Variants in KCNQ1 observed in about 807,000 individuals in gnomAD.
KCNQ1 encodes potassium voltage-gated channel subfamily KQT member 1.
In KCNQ1, 49 loss-of-function variants were observed where a neutral mutation model predicts 72.4. The observed-to-expected ratio is 0.68, with a 90% CI of 0.54 to 0.86. The LOEUF is 0.86. KCNQ1 is among the 40% of genes least tolerant of loss of function. The pLI, the probability that KCNQ1 is intolerant of heterozygous loss-of-function variation, is 0.00. For missense variants in KCNQ1, 790 were observed against 945.1 expected, an observed-to-expected ratio of 0.84 and a Z score of 2.15; for synonymous variants, 450 against 412.6, an observed-to-expected ratio of 1.09 and a Z score of -1.10.
chr11:2,576,918 C>A (rs78274920), intron 6 of KCNQ1, among the ~76,000 whole-genome samples: 1 of 152,202 alleles, frequency 6.6e-6, no homozygotes, highest in African/African-American at 2.4e-5. Context: ...CAAAGGGGAA[C>A]GAGTTCAGCT....
intron 15 of KCNQ1, among the ~76,000 whole-genome samples, chr11:2,819,797 C>T (rs1356165355): frequency 6.6e-6 from 1 of 152,186 alleles, no homozygotes; most frequent in Admixed American, 6.5e-5. Flanking sequence ...ATTTGTGTCT[C>T]CCCAATGGGT....
intron 11 of KCNQ1, 147 bp downstream of exon 11, chr11:2,662,228 A>C: frequency 1.9e-6 from 2 of 1,040,170 alleles, no homozygotes; most frequent in Non-Finnish European, 2.8e-6. Context: ...TGGCCCCAAC[A>C]CGGAGGCACC....
chr11:2,661,768 G>GT lies in KCNQ1; in HGVS notation c.1394-192dup. 1 of 655,190 alleles carries GT rather than the reference G, an allele frequency of 1.5e-6. No individual in the cohort carries two copies. The highest frequency in any genetic ancestry group is 2.7e-6 in the Non-Finnish European group (1 of 365,658). The allele number at this position is 655,190 out of a possible 1,614,324, so 40.6% of individuals were successfully genotyped here. On this transcript the variant is annotated intron_variant, in intron 10 of 15. Transcript: ENST00000155840. The surrounding 1 kb of genome is among the most constrained non-coding windows in gnomAD (Gnocchi z 5.9). The stretch of plus-strand genomic sequence containing the variant: ...GCCTTTATTCTCCTCAGACACTGAG[G>GT]TGTCAGGCACTTTGGGGCCATCTTA...
In KCNQ1 at chr11:2,808,863, T is replaced by C. The variant is rs990111484; in HGVS notation, c.1794+30826T>C. On this transcript the variant is annotated intron_variant, in intron 15 of 15. Transcript: ENST00000155840. The surrounding 1 kb of genome is among the most constrained non-coding windows in gnomAD (Gnocchi z 6.0). ...GTTGTATGGAGGATTAGGGGAGGGATAAATGGATGGATGGATGAACACATG... is the reference window on the plus strand; with the variant it reads ...GTTGTATGGAGGATTAGGGGAGGGACAAATGGATGGATGGATGAACACATG... Among the ~76,000 whole-genome samples the C allele has an allele frequency of 6.6e-6, 1 of 151,946 alleles. No individual in the cohort carries two copies. The highest frequency in any genetic ancestry group is 2.4e-5 in the African/African-American group (1 of 41,326).
rs1849000970 is a variant in KCNQ1 at position 2,612,730 on chromosome 11, C to T, written c.1393+23876C>T. The T allele has an allele frequency of 2.5e-6, 1 of 398,286 alleles. No homozygotes were observed. Among genetic ancestry groups the T allele is most frequent in the African/African-American group, 2.1e-5 (1 of 48,554 alleles). 24.7% of individuals were successfully genotyped at this position (398,286 alleles called of 1,614,324 possible). ...GAAATCGCGCCCTAACATTTGGGGC[C>T]CTTCAGAGATAATTCCTATTTATTG... On this transcript the variant is annotated intron_variant, in intron 10 of 15. Transcript: ENST00000155840. This position sits in a 1 kb window ranked among gnomAD's most constrained non-coding sequence, Gnocchi z 5.5.
At chr11:2,531,231 CAT>C (rs1847623420) in intron 2 of KCNQ1, among the ~76,000 whole-genome samples, 2 of 151,006 alleles carry the variant, frequency 1.3e-5, no homozygotes, top group African/African-American at 4.9e-5. Context: ...CTGGGCTCCA[CAT>C]GCCCGTCTGC....
chr11:2,609,810 CT>C (rs1399658973), intron 10 of KCNQ1: 1 of 398,038 alleles, frequency 2.5e-6, no homozygotes. Context: ...AATTTAAAAT[CT>C]CCTTTGACTT....
At chr11:2,789,995 C>T (rs1319250199) in intron 15 of KCNQ1, among the ~76,000 whole-genome samples, 1 of 152,210 alleles carries the variant, frequency 6.6e-6, no homozygotes, top group Non-Finnish European at 1.5e-5. Context: ...TTGCCAGAGG[C>T]TGGCAAAGGG....
At chr11:2,513,617 G>A (rs901917250) in intron 1 of KCNQ1, among the ~76,000 whole-genome samples, 10 of 152,142 alleles carry the variant, frequency 6.6e-5, no homozygotes, top group Admixed American at 2.0e-4. Flanking sequence ...ACAGCCACCC[G>A]CCTGCTGTCG....
intron 11 of KCNQ1, chr11:2,665,162 G>A (rs943365581): frequency 2.5e-6 from 1 of 398,718 alleles, no homozygotes; most frequent in East Asian, 3.6e-5. Flanking sequence ...CCCTCAACCA[G>A]CTCTGGGCGG....
At chr11:2,837,945 TCAG>T (rs1361076239) in intron 15 of KCNQ1, among the ~76,000 whole-genome samples, 1 of 152,082 alleles carries the variant, frequency 6.6e-6, no homozygotes, top group African/African-American at 2.4e-5. Flanking sequence ...GTGTGGGAGA[TCAG>T]CAGGTGCCGG....
chr11:2,678,102 C>T lies in KCNQ1; in HGVS notation c.1514+16021C>T, dbSNP rs1012196361. On this transcript the variant is annotated intron_variant, in intron 11 of 15. Coordinates refer to ENST00000155840, the MANE Select transcript of KCNQ1 (RefSeq NM_000218.3). This position sits in a 1 kb window ranked among gnomAD's most constrained non-coding sequence, Gnocchi z 4.9. Reference sequence around the variant, plus strand: ...TGTCTTACTGATTTGTAGAAACTTGCTTTGTCATATTCATTGAAAATATTT... The same window carrying T: ...TGTCTTACTGATTTGTAGAAACTTGTTTTGTCATATTCATTGAAAATATTT... 2.5e-6 allele frequency: 1 copy of T among 398,154 alleles called. No individual in the cohort carries two copies. The highest frequency in any genetic ancestry group is 4.4e-6 in the Non-Finnish European group (1 of 225,930). 24.7% of individuals were successfully genotyped at this position (398,154 alleles called of 1,614,324 possible).
In KCNQ1 at chr11:2,653,606, C is replaced by T. The variant is rs1849791913; in HGVS notation, c.1394-8355C>T. The T allele has an allele frequency of 2.5e-6, 1 of 398,532 alleles. No individual in the cohort carries two copies. The highest frequency in any genetic ancestry group is 4.4e-6 in the Non-Finnish European group (1 of 226,102). 24.7% of individuals were successfully genotyped at this position (398,532 alleles called of 1,614,324 possible). On this transcript the variant is annotated intron_variant, in intron 10 of 15. Transcript: ENST00000155840. This position sits in a 1 kb window ranked among gnomAD's most constrained non-coding sequence, Gnocchi z 5.3. Reference sequence around the variant, plus strand: ...TTTCCCTTGCTCTCTATCCATTGGCCCCATGGGATGGCTGTATCCTTAGGC... The same window carrying T: ...TTTCCCTTGCTCTCTATCCATTGGCTCCATGGGATGGCTGTATCCTTAGGC...
rs991348332 is a variant in KCNQ1, at chr11:2,767,752, T to C, written c.1515-1092T>C. Reference sequence around the variant, plus strand: ...TCTACTGAGTACTCTGCTTAGCTTTTACCCCTTCAGCAACTGCTTTTTGCT... The same window carrying C: ...TCTACTGAGTACTCTGCTTAGCTTTCACCCCTTCAGCAACTGCTTTTTGCT... On this transcript the variant is annotated intron_variant, in intron 11 of 15. Coordinates refer to ENST00000155840, the MANE Select transcript of KCNQ1 (RefSeq NM_000218.3). The surrounding 1 kb of genome is among the most constrained non-coding windows in gnomAD (Gnocchi z 4.6). 3.3e-5 allele frequency among the ~76,000 whole-genome samples: 5 copies of C among 152,232 alleles called. No individual in the cohort carries two copies. The highest frequency in any genetic ancestry group is 1.2e-4 in the African/African-American group (5 of 41,468).
Position 2,713,258 on chromosome 11 carries a change from C to T in KCNQ1, c.1514+51177C>T, listed in dbSNP as rs1590047582. Reference sequence around the variant, plus strand: ...GGACCTGCATCCCGCTCCTCCTCCGCTCCCTGGAAACGTTCCCTGAATCAC... The same window carrying T: ...GGACCTGCATCCCGCTCCTCCTCCGTTCCCTGGAAACGTTCCCTGAATCAC... On this transcript the variant is annotated intron_variant, in intron 11 of 15. Transcript: ENST00000155840. The surrounding 1 kb of genome is among the most constrained non-coding windows in gnomAD (Gnocchi z 5.6). Among the ~76,000 whole-genome samples the T allele has an allele frequency of 6.6e-6, 1 of 152,316 alleles. No individual in the cohort carries two copies. The highest frequency in any genetic ancestry group is 2.1e-4 in the South Asian group (1 of 4,824).
rs1248645684 is a variant in KCNQ1 at position 2,495,822 on chromosome 11, G to T, written c.387-32106G>T. ...GAACAATGTACATTCTCTTGATTTG[G>T]GGTGGAAAGTTCTGTAGATGTCTAT... On this transcript the variant is annotated intron_variant, in intron 1 of 15. Transcript: ENST00000155840. This position sits in a 1 kb window ranked among gnomAD's most constrained non-coding sequence, Gnocchi z 4.6. Among the ~76,000 whole-genome samples the T allele has an allele frequency of 6.6e-6, 1 of 152,160 alleles. No homozygotes were observed. Among genetic ancestry groups the T allele is most frequent in the Non-Finnish European group, 1.5e-5 (1 of 68,032 alleles).
chr11:2,650,355 A>C (rs1227581095), intron 10 of KCNQ1: 4 of 398,344 alleles, frequency 1.0e-5, no homozygotes, highest in Admixed American at 4.4e-5. Flanking sequence ...CCCCAAGTTG[A>C]TATCTGCATA....
At chr11:2,775,242 C>T (rs1846670847) in intron 12 of KCNQ1, among the ~76,000 whole-genome samples, 1 of 152,202 alleles carries the variant, frequency 6.6e-6, no homozygotes, top group African/African-American at 2.4e-5. Flanking sequence ...TCATGAGATG[C>T]TTTGTTTTCT....
At position 2,818,721 on chromosome 11, in the gene KCNQ1, C is replaced by G. The variant is rs937453245; in HGVS notation, c.1795-29046C>G. ...AGCTGCCCAGAGCCCCCAGCCCCTACCCTAGTCTGATGACCCAGGCCTTTC... is the reference window on the plus strand; with the variant it reads ...AGCTGCCCAGAGCCCCCAGCCCCTAGCCTAGTCTGATGACCCAGGCCTTTC... On this transcript the variant is annotated intron_variant, in intron 15 of 15. Coordinates refer to ENST00000155840, the MANE Select transcript of KCNQ1 (RefSeq NM_000218.3). This position sits in a 1 kb window ranked among gnomAD's most constrained non-coding sequence, Gnocchi z 7.2. Among the ~76,000 whole-genome samples the G allele has an allele frequency of 7.2e-5, 11 of 152,046 alleles. No homozygotes were observed. Among genetic ancestry groups the G allele is most frequent in the Admixed American group, 2.0e-4 (3 of 15,280 alleles).
Sources: allele counts gnomAD v4.1 joint callset (sites outside exome capture counted in the v4.1 genomes callset), GRCh38; gene constraint gnomAD v4.1.1; non-coding constraint Gnocchi (gnomAD v3.1); transcripts MANE v1.5; gene names NCBI Gene and HGNC (gene_info 2026-07-23, HGNC 2026-07-21).